THEMIS: variants seen among roughly 807,000 people sequenced by gnomAD.
The protein encoded by THEMIS is protein THEMIS.
A neutral mutation model predicts 52.6 loss-of-function variants in THEMIS; 37 were observed. That is an observed-to-expected ratio of 0.70 (90% CI 0.54 to 0.93). The LOEUF (loss-of-function observed/expected upper bound fraction) is 0.93, where lower values mean the gene tolerates loss of function less well. THEMIS is among the 40% of genes least tolerant of loss of function. The pLI, the probability that THEMIS is intolerant of heterozygous loss-of-function variation, is 0.00. For synonymous variants in THEMIS, 292 were observed against 272.7 expected (o/e 1.07, Z -0.70); for missense variants, 808 against 763.1 (o/e 1.06, Z -0.69).
At chr6:127,732,756 T>C (rs1309642053) in intron 4 of THEMIS, among the ~76,000 whole-genome samples, 1 of 152,252 alleles carries the variant, frequency 6.6e-6, no homozygotes, top group Non-Finnish European at 1.5e-5. Context: ...GAAGAATATT[T>C]GAGTAATTTC....
At chr6:127,798,296 A>C (rs942807129) in intron 4 of THEMIS, among the ~76,000 whole-genome samples, 2 of 152,242 alleles carry the variant, frequency 1.3e-5, no homozygotes, top group Non-Finnish European at 2.9e-5. Flanking sequence ...TTGTGATATT[A>C]GTTCAAAAAA....
chr6:127,739,164 T>C (rs1246330642), intron 4 of THEMIS, among the ~76,000 whole-genome samples: 1 of 152,054 alleles, frequency 6.6e-6, no homozygotes, highest in Non-Finnish European at 1.5e-5. Flanking sequence ...ACACCCCTTC[T>C]CAAGATCCTT....
chr6:127,899,819 T>C (rs1781081557), intron 1 of THEMIS, among the ~76,000 whole-genome samples: 1 of 150,676 alleles, frequency 6.6e-6, no homozygotes. Context: ...AAAAATCAAC[T>C]TACAAATTAG....
At chr6:127,869,316 A>G (rs1324108072) in intron 1 of THEMIS, among the ~76,000 whole-genome samples, 4 of 152,156 alleles carry the variant, frequency 2.6e-5, no homozygotes, top group African/African-American at 4.8e-5. Context: ...AGAACGCGTA[A>G]AGCACCCCAC....
intron 1 of THEMIS, among the ~76,000 whole-genome samples, chr6:127,855,909 A>G (rs1157079939): frequency 2.0e-5 from 3 of 151,968 alleles, no homozygotes; most frequent in Admixed American, 6.6e-5. Flanking sequence ...GAGGAGTAAA[A>G]TAACCACAAG....
intron 4 of THEMIS, among the ~76,000 whole-genome samples, chr6:127,740,078 C>G (rs888028675): frequency 1.3e-5 from 2 of 152,022 alleles, no homozygotes; most frequent in African/African-American, 4.8e-5. Flanking sequence ...AGAAGAGAGC[C>G]CTGGACCTTG....
chr6:127,916,172 AT>A (rs1295779868), intron 1 of THEMIS, among the ~76,000 whole-genome samples: 3 of 151,618 alleles, frequency 2.0e-5, no homozygotes, highest in East Asian at 1.9e-4. Context: ...AAAAAGTTTA[AT>A]TTTTTTATAT....
intron 4 of THEMIS, among the ~76,000 whole-genome samples, chr6:127,778,284 G>T (rs1776631005): frequency 2.0e-5 from 3 of 152,080 alleles, no homozygotes; most frequent in Admixed American, 6.6e-5. Flanking sequence ...TATAGGAAAT[G>T]AATTTGGAAC....
chr6:127,746,005 T>G (rs1775375785), intron 4 of THEMIS, among the ~76,000 whole-genome samples: 1 of 151,902 alleles, frequency 6.6e-6, no homozygotes, highest in African/African-American at 2.4e-5. Context: ...ACTACTAGAA[T>G]AAGCTTTAGA....
intron 1 of THEMIS, among the ~76,000 whole-genome samples, chr6:127,879,341 A>G (rs1462751786): frequency 6.6e-6 from 1 of 152,142 alleles, no homozygotes; most frequent in Non-Finnish European, 1.5e-5. Flanking sequence ...TGATTGTGTG[A>G]TCTTTATTGC....
intron 2 of THEMIS, 32 bp downstream of exon 2, chr6:127,854,998 T>C: frequency 6.4e-7 from 1 of 1,562,762 alleles, no homozygotes; most frequent in Non-Finnish European, 8.6e-7. Flanking sequence ...AATATAGTTG[T>C]ACAAATGATA....
At chr6:127,841,766 C>A (rs1484448371) in intron 2 of THEMIS, among the ~76,000 whole-genome samples, 1 of 151,738 alleles carries the variant, frequency 6.6e-6, no homozygotes, top group Non-Finnish European at 1.5e-5. Flanking sequence ...ATTTTAAAAG[C>A]CTGAATTTCT....
chr6:127,863,272 C>T (rs1779867281), intron 1 of THEMIS, among the ~76,000 whole-genome samples: 1 of 152,098 alleles, frequency 6.6e-6, no homozygotes, highest in Non-Finnish European at 1.5e-5. Context: ...TTTAAATACT[C>T]TTTTATCCTA....
chr6:127,705,829 G>A (rs1334994610), downstream of THEMIS, among the ~76,000 whole-genome samples: 1 of 152,082 alleles, frequency 6.6e-6, no homozygotes, highest in Non-Finnish European at 1.5e-5. Context: ...TCTTGGATTT[G>A]GAACAAATTT....
At chr6:127,747,051 A>T (rs13196088) in intron 4 of THEMIS, among the ~76,000 whole-genome samples, 37,359 of 92,908 alleles carry the variant, frequency 0.4, 9,560 homozygotes, top group Non-Finnish European at 0.48. Context: ...GATATCTATA[A>T]TTATATTATA....
At chr6:127,784,613 G>A (rs1270259256) in intron 4 of THEMIS, among the ~76,000 whole-genome samples, 2 of 152,130 alleles carry the variant, frequency 1.3e-5, no homozygotes, top group Non-Finnish European at 2.9e-5. Flanking sequence ...CAGTTCTGTG[G>A]CTTCTGTTTG....
chr6:127,778,933 T>C (rs1776653617), intron 4 of THEMIS, among the ~76,000 whole-genome samples: 1 of 152,024 alleles, frequency 6.6e-6, no homozygotes, highest in South Asian at 2.1e-4. Context: ...ATGATGCTAA[T>C]TTTATTATAC....
chr6:127,763,206 T>C (rs1454168072), intron 4 of THEMIS, among the ~76,000 whole-genome samples: 1 of 152,010 alleles, frequency 6.6e-6, no homozygotes, highest in Non-Finnish European at 1.5e-5. Flanking sequence ...AGGGAAAGCA[T>C]TATATTTTAA....
chr6:127,899,763 A>C (rs1781079440), intron 1 of THEMIS, among the ~76,000 whole-genome samples: 1 of 151,612 alleles, frequency 6.6e-6, no homozygotes, highest in African/African-American at 2.4e-5. Context: ...TTAGAAATAG[A>C]GACATTGATA....
Sources: gnomAD v4.1 joint callset for allele counts (sites outside exome capture counted in the v4.1 genomes callset) on GRCh38, gnomAD v4.1.1 for gene constraint, MANE v1.5 for transcripts, NCBI Gene and HGNC (gene_info 2026-07-23, HGNC 2026-07-21) for gene names.